PCDHAC1: variants seen among roughly 807,000 people sequenced by gnomAD.
PCDHAC1 encodes the protein protocadherin alpha subfamily C, 1, also known as protocadherin alpha-C1.
Under a neutral mutation model 60.0 loss-of-function variants are expected in PCDHAC1, and 42 were observed. The observed-to-expected ratio is 0.70, with a 90% CI of 0.55 to 0.90. PCDHAC1 has a LOEUF of 0.90. PCDHAC1 is among the 40% of genes least tolerant of loss of function. The pLI is 0.00. For missense variants in PCDHAC1, 1,160 were observed against 1,222.3 expected (o/e 0.95, Z 0.76); for synonymous variants, 468 against 499.3 (o/e 0.94, Z 0.84).
chr5:140,978,836 A>G (rs891146888), intron 1 of PCDHAC1, 113 bp from the exon 2 acceptor site: 1 of 1,552,522 alleles, frequency 6.4e-7, no homozygotes, highest in Non-Finnish European at 8.7e-7. Context: ...GGCTCATTCA[A>G]TACTTTTTTA....
chr5:140,968,285 T>A, intron 1 of PCDHAC1: 1 of 1,614,006 alleles, frequency 6.2e-7, no homozygotes, highest in Non-Finnish European at 8.5e-7. Flanking sequence ...GGTGACCTAC[T>A]CCCTTCTGGA....
Position 140,928,178 on chromosome 5 carries a change from G to C in PCDHAC1, c.1286G>C (p.Arg429Thr), listed in dbSNP as rs2085023372. 1 of 1,614,074 alleles carries C rather than the reference G, an allele frequency of 6.2e-7. No individual in the cohort carries two copies. The highest frequency in any genetic ancestry group is 1.3e-5 in the African/African-American group (1 of 74,926). The part of the protein sequence containing the change: ...DSGSPPLSTR[R>T]TITVSVADVN... ...GGCTCACCCCCACTTAGCACCCGAAGGACAATCACTGTGTCAGTTGCTGAT... is the reference window on the plus strand; with the variant it reads ...GGCTCACCCCCACTTAGCACCCGAACGACAATCACTGTGTCAGTTGCTGAT... The change falls in exon 1 of 4, where the codon AGG becomes ACG. Residue 429 changes from arginine (R) to threonine (T), a missense_variant. Transcript: ENST00000253807.
intron 1 of PCDHAC1, among the ~76,000 whole-genome samples, chr5:140,963,916 T>A (rs186370400): frequency 2.0e-5 from 3 of 152,356 alleles, no homozygotes; most frequent in East Asian, 3.9e-4. Flanking sequence ...AAGCTTAGGC[T>A]AAGTAACATG....
intron 1 of PCDHAC1, among the ~76,000 whole-genome samples, chr5:140,961,121 T>A (rs551567804): frequency 6.6e-6 from 1 of 152,330 alleles, no homozygotes; most frequent in African/African-American, 2.4e-5. Context: ...TGCATCTTAA[T>A]GTCTTGGCAC....
At chr5:140,955,124 CTG>C (rs1404094455) in intron 1 of PCDHAC1, among the ~76,000 whole-genome samples, 1 of 152,016 alleles carries the variant, frequency 6.6e-6, no homozygotes. Context: ...TTCTGTTCCA[CTG>C]GTCTACACGT....
chr5:140,967,928 A>G, intron 1 of PCDHAC1: 1 of 1,614,200 alleles, frequency 6.2e-7, no homozygotes, highest in South Asian at 1.1e-5. Context: ...GGCCGTTCTC[A>G]GTGTCAATGA....
At chr5:140,970,466 A>G (rs549761303) in intron 1 of PCDHAC1, among the ~76,000 whole-genome samples, 51 of 152,334 alleles carry the variant, frequency 3.3e-4, no homozygotes, top group Non-Finnish European at 4.4e-4. Context: ...TTAAGTAGGT[A>G]TAAGGCCAGC....
At chr5:140,999,215 C>T (rs1290752092) in intron 3 of PCDHAC1, among the ~76,000 whole-genome samples, 1 of 152,140 alleles carries the variant, frequency 6.6e-6, no homozygotes, top group South Asian at 2.1e-4. Context: ...TCTGGAAGTA[C>T]TACATTTGAG....
chr5:140,953,670 T>C (rs2094923970), intron 1 of PCDHAC1, among the ~76,000 whole-genome samples: 1 of 152,212 alleles, frequency 6.6e-6, no homozygotes, highest in Non-Finnish European at 1.5e-5. Flanking sequence ...TGGAAGGGTC[T>C]GTTTATTATG....
chr5:140,967,907 A>C (rs1311525554), intron 1 of PCDHAC1: 1 of 1,614,180 alleles, frequency 6.2e-7, no homozygotes, highest in Non-Finnish European at 8.5e-7. Flanking sequence ...TGCTACACCC[A>C]ACACCATTGT....
chr5:140,969,149 G>C (rs782510891), intron 1 of PCDHAC1: 3 of 1,614,120 alleles, frequency 1.9e-6, no homozygotes, highest in South Asian at 1.1e-5. Context: ...CTGCTACAAG[G>C]CCTGTCTGAC....
At chr5:140,956,217 T>A (rs1554222303) in intron 1 of PCDHAC1, among the ~76,000 whole-genome samples, 1 of 152,208 alleles carries the variant, frequency 6.6e-6, no homozygotes, top group Non-Finnish European at 1.5e-5. Context: ...GGCATCCTTG[T>A]CTTGTGCTGG....
rs2098414068 is a variant in PCDHAC1 at position 141,009,729 on chromosome 5, G to T, written c.2684G>T (p.Gly895Val). The T allele has an allele frequency of 6.2e-7, 1 of 1,614,168 alleles. No homozygotes were observed. The highest frequency in any genetic ancestry group is 8.5e-7 in the Non-Finnish European group (1 of 1,180,028). ...GGCAACCCCAAACAATCCGGTCCCG[G>T]TGAGTTGCCCGACAAATTCATTATC... is the stretch of plus-strand genomic sequence containing the variant. ...GPGNPKQSGPGELPDKFIIPG... is the reference protein window; with the variant it reads ...GPGNPKQSGPVELPDKFIIPG... Residue 895 changes from glycine (G) to valine (V), a missense_variant, in exon 4 of 4, where the codon GGT becomes GTT. This residue lies in a region of PCDHAC1 where 1,113 missense variants were observed against 1,163.7 expected (regional missense o/e 0.96). Transcript: ENST00000253807.
intron 1 of PCDHAC1, among the ~76,000 whole-genome samples, chr5:140,976,227 T>C (rs2096706900): frequency 6.6e-6 from 1 of 152,050 alleles, no homozygotes; most frequent in East Asian, 1.9e-4. Context: ...AGAAGAAAAA[T>C]ATATGTCATT....
intron 1 of PCDHAC1, chr5:140,930,304 A>G (rs1554207720): frequency 6.6e-6 from 1 of 152,236 alleles, no homozygotes. Flanking sequence ...ATAAGTAAAT[A>G]TCATATTTGA....
rs1554204161 is a variant in PCDHAC1 at position 140,927,190 on chromosome 5, G to A, written c.298G>A (p.Val100Met). ...TGCCTGCGTCTTGACCTACGACCTG[G>A]TGCTCGAGGACCCGCTGGAGCTGCA... ...KAACVLTYDL[V>M]LEDPLELHKI... Residue 100 changes from valine (V) to methionine (M), a missense_variant, in exon 1 of 4, where the codon GTG (valine) becomes ATG (methionine). Val to Met is a conservative substitution (Grantham distance 21). Transcript: ENST00000253807. 1 of 1,614,156 alleles carries A rather than the reference G, an allele frequency of 6.2e-7. No individual in the cohort carries two copies. The highest frequency in any genetic ancestry group is 1.1e-5 in the South Asian group (1 of 91,074).
Position 140,929,026 on chromosome 5 carries a change from G to A in PCDHAC1, c.2134G>A (p.Gly712Ser). The A allele has an allele frequency of 1.2e-6, 2 of 1,614,176 alleles. No homozygotes were observed. Among genetic ancestry groups the A allele is most frequent in the Non-Finnish European group, 1.7e-6 (2 of 1,180,042 alleles). Residue 712 changes from glycine (G) to serine (S), a missense_variant, in exon 1 of 4, where the codon GGC (glycine) becomes AGC (serine). Transcript: ENST00000253807. The part of the protein sequence containing the change: ...FVCTKLHQSP[G>S]CCAQSCCRST... ...GTGTACCAAGTTGCACCAGAGCCCA[G>A]GCTGTTGCGCTCAGAGCTGCTGTCG...
At chr5:140,968,920 A>G (rs781931367) in intron 1 of PCDHAC1, 1 of 1,614,120 alleles carries the variant, frequency 6.2e-7, no homozygotes, top group Admixed American at 1.7e-5. Flanking sequence ...TGTCTTTTAT[A>G]TTTCTTTTGA....
At chr5:140,989,928 A>T (rs2097366853) in intron 3 of PCDHAC1, among the ~76,000 whole-genome samples, 1 of 152,032 alleles carries the variant, frequency 6.6e-6, no homozygotes, top group African/African-American at 2.4e-5. Context: ...GCAGAGATAG[A>T]TGACATTCCA....
Sources: allele counts gnomAD v4.1 joint callset (sites outside exome capture counted in the v4.1 genomes callset), GRCh38; gene constraint gnomAD v4.1.1; regional missense constraint gnomAD v4.1.1; transcripts MANE v1.5; gene names NCBI Gene and HGNC (gene_info 2026-07-23, HGNC 2026-07-21).